Variants in MEI4 observed in about 807,000 individuals in gnomAD.
The protein encoded by MEI4 is meiotic double-stranded break formation protein 4.
In MEI4, 27 loss-of-function variants were observed where a neutral mutation model predicts 31.4. The observed-to-expected ratio is 0.86, with a 90% CI of 0.63 to 1.19. The LOEUF (loss-of-function observed/expected upper bound fraction) is 1.19, where lower values mean the gene tolerates loss of function less well. Among genes scored for constraint, MEI4 ranks in the 50% most tolerant of loss-of-function variants. The pLI is 0.00. For synonymous variants in MEI4, 122 were observed against 145.4 expected (o/e 0.84, Z 1.16); for missense variants, 329 against 398.9 (o/e 0.82, Z 1.49).
At chr6:77,654,239 C>T (rs991399808) in intron 1 of MEI4, among the ~76,000 whole-genome samples, 7 of 152,124 alleles carry the variant, frequency 4.6e-5, no homozygotes, top group Non-Finnish European at 1.0e-4. Context: ...TGATTGATGG[C>T]TAAAAGCTCC....
intron 3 of MEI4, among the ~76,000 whole-genome samples, chr6:77,795,635 A>T (rs986824307): frequency 2.6e-5 from 4 of 152,176 alleles, no homozygotes; most frequent in Non-Finnish European, 4.4e-5. Context: ...ATCCTGAGAG[A>T]CTACTGTGAA....
intron 1 of MEI4, among the ~76,000 whole-genome samples, chr6:77,688,347 C>G (rs759369087): frequency 1.3e-5 from 2 of 152,048 alleles, no homozygotes; most frequent in East Asian, 1.9e-4. Flanking sequence ...ATCCTGCAAG[C>G]CTGTGCTAAA....
At chr6:77,715,670 C>T (rs113095546) in intron 2 of MEI4, among the ~76,000 whole-genome samples, 7 of 152,176 alleles carry the variant, frequency 4.6e-5, no homozygotes, top group Admixed American at 1.3e-4. Context: ...CTCATTTGGG[C>T]TTTACTGGCA....
At position 77,919,278 on chromosome 6, in the gene MEI4, CAG is replaced by C. The variant is rs548636058; in HGVS notation, c.901-3807_901-3806del. ...GCTCTCCTCAGCATATGTAAAAGAACAGAGATTATAACAAACTATCTCTCAGA... is the reference window on the plus strand; with the variant it reads ...GCTCTCCTCAGCATATGTAAAAGAACAGATTATAACAAACTATCTCTCAGA... On this transcript the variant is annotated intron_variant, in intron 4 of 4. Coordinates refer to ENST00000684080, the MANE Select transcript of MEI4 (RefSeq NM_001322247.2). Among the ~76,000 whole-genome samples the C allele has an allele frequency of 5.5e-4, 84 of 152,148 alleles. 2 individuals carry two copies. The highest frequency in any genetic ancestry group is 1.4e-3 in the African/African-American group (60 of 41,540).
chr6:77,768,223 T>C (rs988581904), intron 3 of MEI4, among the ~76,000 whole-genome samples: 1 of 152,168 alleles, frequency 6.6e-6, no homozygotes, highest in Admixed American at 6.5e-5. Flanking sequence ...TTTCCATCAC[T>C]AATTTTTACA....
chr6:77,679,667 C>T lies in MEI4; in HGVS notation c.-14-10991C>T, dbSNP rs1435528295. On this transcript the variant is annotated intron_variant, in intron 1 of 4. Coordinates refer to ENST00000684080, the MANE Select transcript of MEI4 (RefSeq NM_001322247.2). Reference sequence around the variant, plus strand: ...ATGGTGCTTGCTACAAAGAAGAGGCCTAGAGACGAATTTCTGTTTTGTGTG... The same window carrying T: ...ATGGTGCTTGCTACAAAGAAGAGGCTTAGAGACGAATTTCTGTTTTGTGTG... 3.3e-5 allele frequency among the ~76,000 whole-genome samples: 5 copies of T among 151,932 alleles called. No individual in the cohort carries two copies. The East Asian group carries it at 5.8e-4, about 18-fold the overall frequency.
chr6:77,924,448 A>G lies in MEI4; in HGVS notation c.*1102A>G, dbSNP rs1766796533. The G allele has an allele frequency of 6.6e-6, 1 of 151,910 alleles. No individual in the cohort carries two copies. The highest frequency in any genetic ancestry group is 1.5e-5 in the Non-Finnish European group (1 of 67,906). The allele number at this position is 151,910 out of a possible 1,614,324, so 9.4% of individuals were successfully genotyped here. On this transcript the variant is annotated 3_prime_UTR_variant, in exon 5 of 5. Coordinates refer to ENST00000684080, the MANE Select transcript of MEI4 (RefSeq NM_001322247.2). ...TCCTGAAACTACATGTATGTCAGTCAGCTTTTGTTATGTGACAGATAGATA... is the reference window on the plus strand; with the variant it reads ...TCCTGAAACTACATGTATGTCAGTCGGCTTTTGTTATGTGACAGATAGATA...
intron 3 of MEI4, among the ~76,000 whole-genome samples, chr6:77,771,782 C>CT (rs1197988335): frequency 1.3e-5 from 2 of 151,914 alleles, no homozygotes; most frequent in Non-Finnish European, 2.9e-5. Flanking sequence ...CTGGATCCTA[C>CT]TGTATGGTGG....
intron 2 of MEI4, among the ~76,000 whole-genome samples, chr6:77,700,694 G>A (rs1766196632): frequency 6.6e-6 from 1 of 152,132 alleles, no homozygotes; most frequent in Admixed American, 6.5e-5. Context: ...GCTCACGCTG[G>A]GAGCTGTAGA....
rs562994165 is a variant in MEI4 at position 77,735,426 on chromosome 6, C to T, written c.233-25704C>T. 1.5e-3 allele frequency among the ~76,000 whole-genome samples: 225 copies of T among 152,120 alleles called. 2 individuals are homozygous for T. The highest frequency in any genetic ancestry group is 4.4e-3 in the African/African-American group (184 of 41,406). ...TACCCTTTCTTCCAGTTGATCGCATCGGCTCCTGAGGCTTCTGCATTCTTC... is the reference window on the plus strand; with the variant it reads ...TACCCTTTCTTCCAGTTGATCGCATTGGCTCCTGAGGCTTCTGCATTCTTC... On this transcript the variant is annotated intron_variant, in intron 2 of 4. Coordinates refer to ENST00000684080, the MANE Select transcript of MEI4 (RefSeq NM_001322247.2).
chr6:77,846,271 C>A (rs9350736), intron 4 of MEI4, among the ~76,000 whole-genome samples: 2,880 of 152,016 alleles, frequency 0.019, 63 homozygotes, highest in East Asian at 0.088. Flanking sequence ...TTTTTTAATT[C>A]TGTCCTCAGT....
intron 1 of MEI4, among the ~76,000 whole-genome samples, chr6:77,685,051 G>A (rs1395983309): frequency 6.6e-6 from 1 of 152,066 alleles, no homozygotes; most frequent in African/African-American, 2.4e-5. Flanking sequence ...CTTTTAACTG[G>A]GATGAGACGA....
chr6:77,790,577 T>A lies in MEI4; in HGVS notation c.768+28912T>A, dbSNP rs181632728. 2.0e-5 allele frequency among the ~76,000 whole-genome samples: 3 copies of A among 151,876 alleles called. No individual in the cohort carries two copies. In the East Asian group the frequency reaches 5.8e-4, roughly 30 times the overall value. The stretch of plus-strand genomic sequence containing the variant: ...TTTATAAAAATAGAAAAACTAAAAA[T>A]TAACAAAATACATATTGAAAACTTC... On this transcript the variant is annotated intron_variant, in intron 3 of 4. Coordinates refer to ENST00000684080, the MANE Select transcript of MEI4 (RefSeq NM_001322247.2).
intron 4 of MEI4, among the ~76,000 whole-genome samples, chr6:77,845,685 G>A (rs9361297): frequency 0.019 from 2,878 of 152,152 alleles, 63 homozygotes; most frequent in East Asian, 0.087. Context: ...TTTGTACACT[G>A]CTATGGCACT....
chr6:77,826,063 A>G (rs957289696), intron 3 of MEI4, among the ~76,000 whole-genome samples: 17 of 152,198 alleles, frequency 1.1e-4, no homozygotes, highest in African/African-American at 3.4e-4. Context: ...AGTTGGAACT[A>G]TAAGTACTGA....
rs1334686476 is a variant in MEI4, at chr6:77,761,646, G to A, written c.749G>A (p.Gly250Glu). 1 of 1,231,408 alleles carries A rather than the reference G, an allele frequency of 8.1e-7. No individual in the cohort carries two copies. Among genetic ancestry groups the A allele is most frequent in the Non-Finnish European group, 1.0e-6 (1 of 987,540 alleles). The allele number at this position is 1,231,408 out of a possible 1,614,324, so 76.3% of individuals were successfully genotyped here. The stretch of plus-strand genomic sequence containing the variant: ...AAAACCCTACTACATGCTATTTTAG[G>A]AAACAATCATATAAATCAGGTGAGT... The part of the protein sequence containing the change: ...FEKTLLHAIL[G>E]NNHINQFQVQ... Residue 250 changes from glycine (G) to glutamate (E), a missense_variant, in exon 3 of 5, where the codon GGA (glycine) becomes GAA (glutamate). Coordinates refer to ENST00000684080, the MANE Select transcript of MEI4 (RefSeq NM_001322247.2).
At chr6:77,748,265 C>G (rs924239057) in intron 2 of MEI4, among the ~76,000 whole-genome samples, 1 of 152,212 alleles carries the variant, frequency 6.6e-6, no homozygotes, top group African/African-American at 2.4e-5. Flanking sequence ...TGAGGCCTCT[C>G]CCCCTGCAGC....
chr6:77,698,708 C>G (rs936643394), intron 2 of MEI4, among the ~76,000 whole-genome samples: 2 of 152,108 alleles, frequency 1.3e-5, no homozygotes, highest in Admixed American at 6.5e-5. Flanking sequence ...ACATTTTTTC[C>G]TTCATTTCAA....
At chr6:77,765,814 T>G (rs1219688262) in intron 3 of MEI4, among the ~76,000 whole-genome samples, 1 of 149,458 alleles carries the variant, frequency 6.7e-6, no homozygotes, top group African/African-American at 2.6e-5. Flanking sequence ...TAGACTGGAT[T>G]AAGAAAATGT....
Sources: allele counts gnomAD v4.1 joint callset (sites outside exome capture counted in the v4.1 genomes callset), GRCh38; gene constraint gnomAD v4.1.1; transcripts MANE v1.5; gene names NCBI Gene and HGNC (gene_info 2026-07-23, HGNC 2026-07-21).